Variants in HORMAD2 observed in about 807,000 individuals in gnomAD.
HORMAD2 encodes the protein HORMA domain-containing protein 2.
In HORMAD2, 45 loss-of-function variants were observed where a neutral mutation model predicts 38.8. That is an observed-to-expected ratio of 1.16 (90% CI 0.91 to 1.49). HORMAD2 has a LOEUF of 1.49. HORMAD2 is among the 40% of genes most tolerant of loss of function. The pLI is 0.00. For missense variants in HORMAD2, 338 were observed against 367.0 expected (o/e 0.92, Z 0.65); for synonymous variants, 126 against 122.8 (o/e 1.03, Z -0.17).
chr22:30,115,847 G>A (rs984749294), intron 7 of HORMAD2, among the ~76,000 whole-genome samples: 2 of 152,164 alleles, frequency 1.3e-5, no homozygotes. Context: ...GTTCCTAGGA[G>A]GCATCCCTGA....
chr22:30,205,836 AG>A, the HORMAD2 span, among the ~76,000 whole-genome samples: 1 of 151,966 alleles, frequency 6.6e-6, no homozygotes, highest in Non-Finnish European at 1.5e-5. Context: ...TGTGCACGGG[AG>A]GCTCAGCGCT....
At chr22:30,083,318 G>T (rs1482932307) in intron 1 of HORMAD2, among the ~76,000 whole-genome samples, 3 of 152,168 alleles carry the variant, frequency 2.0e-5, no homozygotes, top group Non-Finnish European at 4.4e-5. Flanking sequence ...TCAAATATGT[G>T]TGGATCTAAT....
At position 30,093,862 on chromosome 22, in the gene HORMAD2, A is replaced by G. The variant is rs2068734966; in HGVS notation, c.-37-54A>G. On this transcript the variant is annotated intron_variant, in intron 1 of 10. Transcript: ENST00000336726. ...CAGTTTCATTTTTGGGCAGAGTAAG[A>G]GAGGAAGCATTATATTTGGCAAGGT... is the stretch of plus-strand genomic sequence containing the variant. 4 of 848,910 alleles carry G rather than the reference A, an allele frequency of 4.7e-6. No homozygotes were observed. In the Admixed American group the frequency reaches 1.1e-4, roughly 24 times the overall value. The allele number at this position is 848,910 out of a possible 1,614,324, so 52.6% of individuals were successfully genotyped here. A position where few individuals can be genotyped will look rare whatever the true frequency, so the allele number is the denominator to read the frequency against.
In HORMAD2 at chr22:30,142,140, G is replaced by A. The variant is rs111932247; in HGVS notation, c.819+19926G>A. On this transcript the variant is annotated intron_variant, in intron 10 of 10. Coordinates refer to ENST00000336726, the MANE Select transcript of HORMAD2 (RefSeq NM_152510.4). ...ACCAACAAACAAAAACCACCCAGGC[G>A]TGGTGGCATGCGCCTGTGGTCCTAC... 5.0e-3 allele frequency among the ~76,000 whole-genome samples: 765 copies of A among 152,194 alleles called. 4 individuals are homozygous for A. The highest frequency in any genetic ancestry group is 8.0e-3 in the Non-Finnish European group (547 of 67,996).
At chr22:30,136,912 C>T in intron 10 of HORMAD2, 1 of 486,446 alleles carries the variant, frequency 2.1e-6, no homozygotes, top group Non-Finnish European at 3.7e-6. Flanking sequence ...AATTTATTGA[C>T]CACTTCTTTC....
the HORMAD2 span, among the ~76,000 whole-genome samples, chr22:30,187,393 A>G: frequency 6.6e-6 from 1 of 152,202 alleles, no homozygotes; most frequent in African/African-American, 2.4e-5. Context: ...TGTGCTTTTA[A>G]CCACCATGCT....
intron 5 of HORMAD2, chr22:30,105,290 A>G: frequency 5.7e-6 from 1 of 173,914 alleles, no homozygotes; most frequent in Non-Finnish European, 1.3e-5. Context: ...CATATCCCGC[A>G]TGAACTTGGT....
chr22:30,193,984 A>G, the HORMAD2 span, among the ~76,000 whole-genome samples: 1 of 152,182 alleles, frequency 6.6e-6, no homozygotes, highest in Non-Finnish European at 1.5e-5. Context: ...GCAGATCCCC[A>G]GTCAGAAGGG....
intron 10 of HORMAD2, among the ~76,000 whole-genome samples, chr22:30,125,211 C>CTTT (rs1569099734): frequency 2.1e-5 from 1 of 46,588 alleles, no homozygotes; most frequent in Non-Finnish European, 4.2e-5. Context: ...CTTTCTTTTT[C>CTTT]TTTTCTTTTT....
intron 8 of HORMAD2, among the ~76,000 whole-genome samples, chr22:30,119,595 C>G (rs1402002813): frequency 6.6e-6 from 1 of 152,176 alleles, no homozygotes; most frequent in Non-Finnish European, 1.5e-5. Context: ...AACACAAGGA[C>G]ATTGAAGAGC....
At chr22:30,117,665 C>A (rs1463055452) in intron 7 of HORMAD2, among the ~76,000 whole-genome samples, 1 of 151,942 alleles carries the variant, frequency 6.6e-6, no homozygotes, top group East Asian at 1.9e-4. Flanking sequence ...CACACCACCA[C>A]GCCCGGCTAA....
intron 10 of HORMAD2, among the ~76,000 whole-genome samples, chr22:30,145,006 G>A (rs1924323627): frequency 6.6e-6 from 1 of 152,124 alleles, no homozygotes; most frequent in African/African-American, 2.4e-5. Context: ...TAACTGAGCT[G>A]GGAGGGTGGA....
At chr22:30,114,821 A>G (rs1390059434) in intron 7 of HORMAD2, among the ~76,000 whole-genome samples, 1 of 152,222 alleles carries the variant, frequency 6.6e-6, no homozygotes, top group Non-Finnish European at 1.5e-5. Context: ...CTTCTGTGCT[A>G]TAAGTTTTGT....
At chr22:30,111,418 A>G (rs998734843) in intron 5 of HORMAD2, among the ~76,000 whole-genome samples, 4 of 152,144 alleles carry the variant, frequency 2.6e-5, no homozygotes, top group Non-Finnish European at 4.4e-5. Flanking sequence ...CCTGGGAGAC[A>G]GATGTTGCAG....
the HORMAD2 span, chr22:30,207,022 C>T: frequency 5.3e-5 from 25 of 468,608 alleles, no homozygotes; most frequent in Non-Finnish European, 8.9e-5. Context: ...AGCCTCCACC[C>T]GTCCCCTCGT....
At chr22:30,146,967 A>G (rs1924457322) in intron 10 of HORMAD2, among the ~76,000 whole-genome samples, 1 of 152,208 alleles carries the variant, frequency 6.6e-6, no homozygotes, top group Admixed American at 6.5e-5. Flanking sequence ...TGAAATACTT[A>G]GGGCTAAATT....
intron 1 of HORMAD2, among the ~76,000 whole-genome samples, chr22:30,081,862 G>A (rs2068483656): frequency 6.6e-6 from 1 of 152,112 alleles, no homozygotes; most frequent in Non-Finnish European, 1.5e-5. Context: ...TGGGATTACA[G>A]GTGTGAGCCA....
chr22:30,120,427 T>C (rs1922348298), intron 8 of HORMAD2, among the ~76,000 whole-genome samples: 1 of 152,204 alleles, frequency 6.6e-6, no homozygotes, highest in African/African-American at 2.4e-5. Flanking sequence ...CAAAGATCAG[T>C]TAGGGAAAAA....
rs1274690588 is a variant in HORMAD2, at chr22:30,122,105, A to G, written c.710A>G (p.Glu237Gly). Reference sequence around the variant, plus strand: ...AGCATGAAAGTAAAAGTCATGACAGAGGCTACAAAAGTGATTGATTTGGAG... The same window carrying G: ...AGCATGAAAGTAAAAGTCATGACAGGGGCTACAAAAGTGATTGATTTGGAG... ...FHSMKVKVMT[E>G]ATKVIDLENN... The change falls in exon 10 of 11, where the codon GAG (glutamate) becomes GGG (glycine). Residue 237 changes from glutamate to glycine, a missense_variant. Glu to Gly is a moderately conservative substitution (Grantham distance 98, BLOSUM62 -2). Transcript: ENST00000336726. The G allele has an allele frequency of 6.2e-7, 1 of 1,613,780 alleles. No homozygotes were observed. The highest frequency in any genetic ancestry group is 8.5e-7 in the Non-Finnish European group (1 of 1,179,800).
Sources: gnomAD v4.1 joint callset for allele counts (sites outside exome capture counted in the v4.1 genomes callset) on GRCh38, gnomAD v4.1.1 for gene constraint, MANE v1.5 for transcripts, NCBI Gene and HGNC (gene_info 2026-07-23, HGNC 2026-07-21) for gene names.